EYS: variants seen among roughly 807,000 people sequenced by gnomAD.
EYS encodes protein eyes shut homolog.
In EYS, 250 loss-of-function variants were observed where a neutral mutation model predicts 282.1. The ratio of observed to expected loss-of-function variants is 0.89; its 90% CI spans 0.80 to 0.98. The LOEUF is 0.98. Ranked by LOEUF, EYS falls within the 50% of genes least tolerant of loss-of-function variation. The probability of loss-of-function intolerance (pLI) is 0.00; values close to 1 mark genes in which losing one functional copy is unlikely to be tolerated. For missense variants in EYS, 4,016 were observed against 3,709.0 expected, an observed-to-expected ratio of 1.08 and a Z score of -2.15; for synonymous variants, 1,355 against 1,282.9, an observed-to-expected ratio of 1.06 and a Z score of -1.20.
In EYS at chr6:64,519,736, G is replaced by A. The variant is rs145282277; in HGVS notation, c.5644+70487C>T. Among the ~76,000 whole-genome samples the A allele has an allele frequency of 2.0e-5, 3 of 151,920 alleles. No individual in the cohort carries two copies. In the East Asian group the frequency reaches 5.8e-4, roughly 30 times the overall value. On this transcript the variant is annotated intron_variant, in intron 26 of 42. Transcript: ENST00000503581. ...GTTTGAAACTTGAAGAATATCTTTA[G>A]AGAGTATTGTCTGTGTTCTGTGAGT... is the stretch of plus-strand genomic sequence containing the variant.
chr6:64,410,024 C>T (rs1159671479), intron 28 of EYS, among the ~76,000 whole-genome samples: 1 of 151,994 alleles, frequency 6.6e-6, no homozygotes. Context: ...GAGGGGAACA[C>T]AGACGAGTTA....
chr6:64,402,783 A>G (rs1043915526), intron 28 of EYS, among the ~76,000 whole-genome samples: 3 of 152,214 alleles, frequency 2.0e-5, no homozygotes, highest in African/African-American at 7.2e-5. Context: ...TTTTTCTTTT[A>G]GGGTACATAC....
At chr6:65,292,536 G>A (rs1768555164) in intron 12 of EYS, among the ~76,000 whole-genome samples, 2 of 151,730 alleles carry the variant, frequency 1.3e-5, no homozygotes, top group Admixed American at 1.3e-4. Flanking sequence ...CTAGAAGTAC[G>A]AAGGCACCTA....
At chr6:65,277,154 G>A (rs952061640) in intron 12 of EYS, among the ~76,000 whole-genome samples, 2 of 152,126 alleles carry the variant, frequency 1.3e-5, no homozygotes, top group Non-Finnish European at 1.5e-5. Context: ...GGACCCCAGG[G>A]CTGGGTGCAG....
At chr6:64,339,927 C>T (rs575901069) in intron 29 of EYS, among the ~76,000 whole-genome samples, 2 of 151,658 alleles carry the variant, frequency 1.3e-5, no homozygotes, top group East Asian at 2.0e-4. Context: ...AAGGAATACA[C>T]GACTACAAGT....
intron 14 of EYS, among the ~76,000 whole-genome samples, chr6:64,946,409 T>G (rs1233466694): frequency 1.3e-5 from 2 of 152,040 alleles, no homozygotes; most frequent in Non-Finnish European, 2.9e-5. Flanking sequence ...CTTTTCATGG[T>G]GTTTTTCTGA....
chr6:64,508,551 T>TTTTTTATTA (rs149886419), intron 26 of EYS, among the ~76,000 whole-genome samples: 13 of 142,506 alleles, frequency 9.1e-5, no homozygotes, highest in African/African-American at 3.4e-4. Flanking sequence ...TTTCTAAGTA[T>TTTTTTATTA]TTATTATTAT....
At chr6:64,969,266 A>G (rs2150110230) in intron 14 of EYS, among the ~76,000 whole-genome samples, 1 of 152,322 alleles carries the variant, frequency 6.6e-6, no homozygotes, top group Non-Finnish European at 1.5e-5. Context: ...GGCCCATAGC[A>G]TGCTGTAGTA....
At chr6:64,379,274 AT>A (rs1267231784) in intron 29 of EYS, among the ~76,000 whole-genome samples, 2 of 152,156 alleles carry the variant, frequency 1.3e-5, no homozygotes, top group African/African-American at 4.8e-5. Context: ...CCAAAAATTG[AT>A]TTTATTTTAC....
intron 12 of EYS, among the ~76,000 whole-genome samples, chr6:65,130,079 T>C (rs922322142): frequency 6.6e-6 from 1 of 151,896 alleles, no homozygotes; most frequent in Non-Finnish European, 1.5e-5. Flanking sequence ...TACCACATGT[T>C]CTCACTTACA....
chr6:65,338,676 G>A (rs1770084165), intron 10 of EYS, among the ~76,000 whole-genome samples: 1 of 150,968 alleles, frequency 6.6e-6, no homozygotes, highest in Admixed American at 6.6e-5. Context: ...ATTTTAAAAT[G>A]TTTACTTGAT....
chr6:63,898,865 T>C (rs913661514), intron 35 of EYS, among the ~76,000 whole-genome samples: 2 of 152,202 alleles, frequency 1.3e-5, no homozygotes, highest in African/African-American at 2.4e-5. Flanking sequence ...ATAAATAGAC[T>C]AGTCAGATTA....
chr6:65,000,703 G>T (rs1771435099), intron 13 of EYS, among the ~76,000 whole-genome samples: 1 of 152,118 alleles, frequency 6.6e-6, no homozygotes, highest in African/African-American at 2.4e-5. Context: ...GCTTGAACCT[G>T]GGAGACAGAG....
chr6:64,606,182 G>A (rs1013061270), intron 24 of EYS, among the ~76,000 whole-genome samples: 3 of 151,848 alleles, frequency 2.0e-5, no homozygotes, highest in Admixed American at 6.6e-5. Flanking sequence ...CACATATTAA[G>A]TGCTAAAATA....
intron 35 of EYS, among the ~76,000 whole-genome samples, chr6:63,919,803 G>GT (rs945380673): frequency 6.6e-6 from 1 of 152,210 alleles, no homozygotes; most frequent in African/African-American, 2.4e-5. Context: ...AGATCCAGCA[G>GT]TATGTTTCAC....
At chr6:65,331,074 A>T (rs938564851) in intron 11 of EYS, 1 of 984,126 alleles carries the variant, frequency 1.0e-6, no homozygotes, top group Non-Finnish European at 1.2e-6. Flanking sequence ...CTGTCATGTC[A>T]TATGGTTCAT....
At chr6:63,749,802 C>T (rs1181322754) in intron 41 of EYS, among the ~76,000 whole-genome samples, 1 of 152,176 alleles carries the variant, frequency 6.6e-6, no homozygotes, top group Non-Finnish European at 1.5e-5. Flanking sequence ...TAGCCCCCTC[C>T]AGGGGTCCCA....
At chr6:63,754,118 A>T (rs1377604015) in intron 41 of EYS, among the ~76,000 whole-genome samples, 4 of 152,214 alleles carry the variant, frequency 2.6e-5, no homozygotes, top group African/African-American at 9.6e-5. Context: ...CTCACATTTA[A>T]TTTTTACAAA....
rs189981663 is a variant in EYS, at chr6:64,618,068, C to T, written c.3569-535G>A. Among the ~76,000 whole-genome samples the T allele has an allele frequency of 3.0e-4, 46 of 152,174 alleles. 1 individual carries two copies. Among genetic ancestry groups the T allele is most frequent in the Non-Finnish European group, 4.7e-4 (32 of 67,998 alleles). ...CTATAGAATATAAGTATTGTGTCTA[C>T]GTACATTTGGCCATTGGCTGTAAGA... is the stretch of plus-strand genomic sequence containing the variant. On this transcript the variant is annotated intron_variant, in intron 23 of 42. Transcript: ENST00000503581.
Sources: gnomAD v4.1 joint callset for allele counts (sites outside exome capture counted in the v4.1 genomes callset) on GRCh38, gnomAD v4.1.1 for gene constraint, MANE v1.5 for transcripts, NCBI Gene and HGNC (gene_info 2026-07-23, HGNC 2026-07-21) for gene names.